The following DSP variants were observed in gnomAD, a reference collection of about 807,000 sequenced individuals.
DSP encodes the protein 250/210 kDa paraneoplastic pemphigus antigen.
DSP carries 114 observed loss-of-function variants against 290.6 expected under a neutral mutation model. That is an observed-to-expected ratio of 0.39 (90% confidence interval 0.34 to 0.46). The LOEUF is 0.46. Ranked by LOEUF, DSP falls within the 20% of genes least tolerant of loss-of-function variation. The pLI, the probability that DSP is intolerant of heterozygous loss-of-function variation, is 0.99. For missense variants in DSP, 3,230 were observed against 3,495.8 expected, an observed-to-expected ratio of 0.92 and a Z score of 1.92; for synonymous variants, 1,311 against 1,316.4, an observed-to-expected ratio of 1.00 and a Z score of 0.09.
At chr6:7,567,246 T>G in intron 8 of DSP, 108 bp from the exon 9 acceptor site, 1 of 873,144 alleles carries the variant, frequency 1.1e-6, no homozygotes, top group Non-Finnish European at 1.9e-6. Flanking sequence ...TGACTTAGAA[T>G]GAGATAAAAA....
chr6:7,584,854 A>G lies in DSP; in HGVS notation c.7592A>G (p.Gln2531Arg). The G allele has an allele frequency of 6.2e-7, 1 of 1,614,218 alleles. No individual in the cohort carries two copies. Among genetic ancestry groups the G allele is most frequent in the East Asian group, 2.2e-5 (1 of 44,888 alleles). ...AAGACAGGCAGTCAGTATGATATTC[A>G]AGATGCTATTGACAAGGGCCTTGTT... Reference protein sequence around the residue: ...DRKTGSQYDIQDAIDKGLVDR... With the variant: ...DRKTGSQYDIRDAIDKGLVDR... The change falls in exon 24 of 24, where the codon CAA becomes CGA. Residue 2531 changes from glutamine to arginine, a missense_variant. By Grantham distance (43) the Gln-to-Arg change is conservative. Coordinates refer to ENST00000379802, the MANE Select transcript of DSP (RefSeq NM_004415.4). This position sits in a 1 kb window ranked among gnomAD's most constrained non-coding sequence, Gnocchi z 6.4.
In DSP at chr6:7,579,680, A is replaced by G; in HGVS notation, c.3490A>G (p.Ile1164Val). 3.7e-6 allele frequency: 6 copies of G among 1,613,938 alleles called. No homozygotes were observed. Among genetic ancestry groups the G allele is most frequent in the Non-Finnish European group, 5.1e-6 (6 of 1,179,910 alleles). ...GCAGAAATTAGAGTCTGAGAAAGCC[A>G]TCAAGGAGAAGGAGTACGAGATTGA... ...GWQKLESEKA[I>V]KEKEYEIERL... The change falls in exon 23 of 24, where the codon ATC becomes GTC. Residue 1164 changes from isoleucine to valine, a missense_variant. Around this residue, in one of 5 missense-constraint regions of DSP, gnomAD observed 1,714 missense variants for 1,844.5 expected, o/e 0.93. Coordinates refer to ENST00000379802, the MANE Select transcript of DSP (RefSeq NM_004415.4). The surrounding 1 kb of genome is among the most constrained non-coding windows in gnomAD (Gnocchi z 4.1).
chr6:7,585,452 G>A lies in DSP; in HGVS notation c.8190G>A (p.Gln2730=). Residue 2730 remains glutamine (Q), a synonymous_variant, in exon 24 of 24, where the codon CAG becomes CAA. Transcript: ENST00000379802. ...CTGGCCAGCGCTTCCTGGAGTTCCA[G>A]TACCTCACGGGAGGTCTTGTTGACC... ...YEAGQRFLEF[Q]YLTGGLVDPE... is the part of the protein sequence containing the mutation. 1.2e-6 allele frequency: 2 copies of A among 1,614,178 alleles called. No individual in the cohort carries two copies. Among genetic ancestry groups the A allele is most frequent in the Non-Finnish European group, 1.7e-6 (2 of 1,180,028 alleles).
chr6:7,558,298 C>T (rs766758499), intron 3 of DSP, 34 bp downstream of exon 3: 2 of 1,601,870 alleles, frequency 1.2e-6, no homozygotes, highest in Non-Finnish European at 8.5e-7. Flanking sequence ...GGGCAGTCCC[C>T]ATGAAAAAGA....
chr6:7,575,635 C>A, intron 18 of DSP, 147 bp downstream of exon 18: 3 of 968,112 alleles, frequency 3.1e-6, no homozygotes, highest in Non-Finnish European at 1.6e-6. Context: ...TCATGGACTG[C>A]CTGTATGCAG....
At position 7,567,823 on chromosome 6, in the gene DSP, C is replaced by T. The variant is rs1460393546; in HGVS notation, c.1183C>T (p.Leu395Phe). 1 of 1,614,080 alleles carries T rather than the reference C, an allele frequency of 6.2e-7. No homozygotes were observed. The highest frequency in any genetic ancestry group is 1.1e-5 in the South Asian group (1 of 91,082). The part of the protein sequence containing the change: ...AQSTEAYLKG[L>F]QDSIRKKYPC... ...GTCTACTGAAGCATACCTGAAGGGGCTCCAGGACTCCATCAGGAAGAAGTA... is the reference window on the plus strand; with the variant it reads ...GTCTACTGAAGCATACCTGAAGGGGTTCCAGGACTCCATCAGGAAGAAGTA... Residue 395 changes from leucine to phenylalanine, a missense_variant, in exon 10 of 24, where the codon CTC becomes TTC. Physicochemically the swap from Leu to Phe is conservative, Grantham distance 22. Around this residue, in one of 5 missense-constraint regions of DSP, gnomAD observed 646 missense variants for 684.3 expected, o/e 0.94. Coordinates refer to ENST00000379802, the MANE Select transcript of DSP (RefSeq NM_004415.4).
intron 23 of DSP, 31 bp downstream of exon 23, chr6:7,581,600 TG>T: frequency 6.2e-7 from 1 of 1,609,478 alleles, no homozygotes. Flanking sequence ...ACAGCTTCAC[TG>T]TTTCTCAAAT....
intron 1 of DSP, among the ~76,000 whole-genome samples, chr6:7,546,528 T>G (rs1176112033): frequency 6.6e-6 from 1 of 152,188 alleles, no homozygotes; most frequent in Non-Finnish European, 1.5e-5. Flanking sequence ...AAGCTGAGGT[T>G]AAAATATTTA....
At chr6:7,562,258 A>AT (rs111749679) in intron 4 of DSP, among the ~76,000 whole-genome samples, 1 of 152,066 alleles carries the variant, frequency 6.6e-6, no homozygotes, top group Non-Finnish European at 1.5e-5. Context: ...TTATTTAATG[A>AT]TTTTTTTATG....
In DSP at chr6:7,541,733, G is replaced by A. The variant is rs1288489073; in HGVS notation, c.-183G>A. 3 of 706,952 alleles carry A rather than the reference G, an allele frequency of 4.2e-6. No homozygotes were observed. The highest frequency in any genetic ancestry group is 6.6e-6 in the Non-Finnish European group (3 of 453,310). 43.8% of individuals were successfully genotyped at this position (706,952 alleles called of 1,614,324 possible). On this transcript the variant is annotated 5_prime_UTR_variant, in exon 1 of 24. Coordinates refer to ENST00000379802, the MANE Select transcript of DSP (RefSeq NM_004415.4). ...CTCCCGCTCCTGCCCCCGGCCCGTC[G>A]CCGTCTCCGCGCTCGCAGCGGCCTC...
chr6:7,565,513 C>T lies in DSP; in HGVS notation c.932C>T (p.Ala311Val). The T allele has an allele frequency of 6.2e-7, 1 of 1,613,874 alleles. No individual in the cohort carries two copies. ...ACCAACATCGCTCAGAAACAGGAGG[C>T]CTTCTCCGTAAGTTCACCCCACGCG... ...KNTNIAQKQE[A>V]FSIRMSQLEV... The change falls in exon 7 of 24, where the codon GCC (alanine) becomes GTC (valine). Residue 311 changes from alanine (A) to valine (V), a missense_variant. Coordinates refer to ENST00000379802, the MANE Select transcript of DSP (RefSeq NM_004415.4). The surrounding 1 kb of genome is among the most constrained non-coding windows in gnomAD (Gnocchi z 4.2).
Position 7,580,275 on chromosome 6 carries a change from T to TA in DSP, c.4091dup (p.Asn1364LysfsTer4). 1 of 1,613,606 alleles carries TA rather than the reference T, an allele frequency of 6.2e-7. No individual in the cohort carries two copies. Among genetic ancestry groups the TA allele is most frequent in the Non-Finnish European group, 8.5e-7 (1 of 1,179,890 alleles). ...AATTATGATGAGGAGATCATTAGCTTAAAAAATCAGTTTGAGACCGAGATC... is the reference window on the plus strand; with the variant it reads ...AATTATGATGAGGAGATCATTAGCTTAAAAAAATCAGTTTGAGACCGAGATC... On this transcript the variant is annotated frameshift_variant, in exon 23 of 24. Coordinates refer to ENST00000379802, the MANE Select transcript of DSP (RefSeq NM_004415.4). LOFTEE classifies it high-confidence loss of function. The surrounding 1 kb of genome is among the most constrained non-coding windows in gnomAD (Gnocchi z 4.2).
intron 17 of DSP, among the ~76,000 whole-genome samples, chr6:7,575,073 A>G (rs188784926): frequency 6.6e-6 from 1 of 152,304 alleles, no homozygotes; most frequent in Non-Finnish European, 1.5e-5. Context: ...TAATATGTTC[A>G]TATTATTATT....
At chr6:7,554,125 A>ACACACACACCCC (rs772041102) in intron 1 of DSP, among the ~76,000 whole-genome samples, 1 of 144,398 alleles carries the variant, frequency 6.9e-6, no homozygotes, top group African/African-American at 2.7e-5. Context: ...ACACACACAC[A>ACACACACACCCC]CCCAGTTGGT....
At position 7,567,880 on chromosome 6, in the gene DSP, C is replaced by T; in HGVS notation, c.1240C>T (p.Leu414=). 1 of 1,614,022 alleles carries T rather than the reference C, an allele frequency of 6.2e-7. No individual in the cohort carries two copies. The highest frequency in any genetic ancestry group is 8.5e-7 in the Non-Finnish European group (1 of 1,179,954). Residue 414 remains leucine, a synonymous_variant, in exon 10 of 24, where the codon CTG becomes TTG. Coordinates refer to ENST00000379802, the MANE Select transcript of DSP (RefSeq NM_004415.4). Reference sequence around the variant, plus strand: ...CGACAAGAACATGCCCCTGCAGCACCTGCTGGAACAGATCAAGGAGCTGGA... The same window carrying T: ...CGACAAGAACATGCCCCTGCAGCACTTGCTGGAACAGATCAAGGAGCTGGA... The part of the protein sequence containing the change: ...PCDKNMPLQH[L]LEQIKELEKE...
At chr6:7,555,949 C>T in intron 2 of DSP, 129 bp downstream of exon 2, 1 of 778,686 alleles carries the variant, frequency 1.3e-6, no homozygotes, top group Non-Finnish European at 2.2e-6. Flanking sequence ...CACGCTTTTT[C>T]AGAACAGACT....
rs941212483 is a variant in DSP at position 7,579,837 on chromosome 6, T to A, written c.3647T>A (p.Ile1216Asn). Residue 1216 changes from isoleucine to asparagine, a missense_variant, in exon 23 of 24, where the codon ATT becomes AAT. By Grantham distance (149) the Ile-to-Asn change is moderately radical. This residue lies in a region of DSP where 1,714 missense variants were observed against 1,844.5 expected (regional missense o/e 0.93). Transcript: ENST00000379802. The surrounding 1 kb of genome is among the most constrained non-coding windows in gnomAD (Gnocchi z 4.1). The part of the protein sequence containing the change: ...LRNKYETEIN[I>N]TKTTIKEISM... ...AACAAGTATGAAACAGAGATTAACA[T>A]TACGAAGACCACCATCAAGGAGATA... 6.2e-7 allele frequency: 1 copy of A among 1,614,028 alleles called. No individual in the cohort carries two copies. The highest frequency in any genetic ancestry group is 8.5e-7 in the Non-Finnish European group (1 of 1,180,012).
chr6:7,578,696 C>T (rs549158334), intron 22 of DSP, 134 bp downstream of exon 22: 3 of 725,986 alleles, frequency 4.1e-6, no homozygotes, highest in South Asian at 3.4e-5. Context: ...TAGTGTAATA[C>T]TGCTTGTTTG....
At chr6:7,575,760 A>G (rs1377969685) in intron 18 of DSP, among the ~76,000 whole-genome samples, 1 of 152,176 alleles carries the variant, frequency 6.6e-6, no homozygotes, top group East Asian at 1.9e-4. Flanking sequence ...TTTGTGTCCT[A>G]TAAACTCTTG....
Sources: gnomAD v4.1 joint callset for allele counts (sites outside exome capture counted in the v4.1 genomes callset) on GRCh38, gnomAD v4.1.1 for gene constraint, gnomAD v4.1.1 regional missense constraint, Gnocchi (gnomAD v3.1) non-coding constraint, MANE v1.5 for transcripts, NCBI Gene and HGNC (gene_info 2026-07-23, HGNC 2026-07-21) for gene names.